Variants in ARHGAP40 observed in about 807,000 individuals in gnomAD.
The protein encoded by ARHGAP40 is rho GTPase-activating protein 40.
In ARHGAP40, 43 loss-of-function variants were observed where a neutral mutation model predicts 73.5. The ratio of observed to expected loss-of-function variants is 0.58; its 90% CI spans 0.46 to 0.75. The LOEUF is 0.75. Among genes scored for constraint, ARHGAP40 ranks in the 30% least tolerant of loss-of-function variants. ARHGAP40 has a pLI of 0.00. For missense variants in ARHGAP40, 734 were observed against 861.8 expected, an observed-to-expected ratio of 0.85 and a Z score of 1.86; for synonymous variants, 300 against 352.8, an observed-to-expected ratio of 0.85 and a Z score of 1.68.
At chr20:38,611,623 G>C (rs986101505) in intron 1 of ARHGAP40, among the ~76,000 whole-genome samples, 1 of 152,002 alleles carries the variant, frequency 6.6e-6, no homozygotes, top group African/African-American at 2.4e-5. Context: ...TGTCGCCCAG[G>C]CTGGAGTGCA....
rs550873834 is a variant in ARHGAP40, at chr20:38,610,446, A to G, written c.137+8367A>G. 4.9e-4 allele frequency among the ~76,000 whole-genome samples: 75 copies of G among 152,332 alleles called. No homozygotes were observed. In the South Asian group the frequency reaches 7.7e-3, roughly 16 times the overall value. ...ATATTTTAAGGTTTATTCTGAGCCA[A>G]TGTAAGAGACCCTGGCCTGGGGAAC... On this transcript the variant is annotated intron_variant, in intron 1 of 14. Coordinates refer to ENST00000373345, the Ensembl canonical transcript of ARHGAP40.
chr20:38,614,611 AC>A (rs1569008457), intron 1 of ARHGAP40, among the ~76,000 whole-genome samples: 1 of 152,118 alleles, frequency 6.6e-6, no homozygotes, highest in Non-Finnish European at 1.5e-5. Flanking sequence ...CATGCAGGAG[AC>A]CCAAGCGGCT....
intron 9 of ARHGAP40, among the ~76,000 whole-genome samples, chr20:38,640,253 G>T (rs2089009944): frequency 8.1e-6 from 1 of 123,674 alleles, no homozygotes; most frequent in Non-Finnish European, 1.6e-5. Flanking sequence ...GTCTTGCTCT[G>T]TCACCCAGGC....
chr20:38,614,339 A>C lies in ARHGAP40; in HGVS notation c.138-9020A>C, dbSNP rs1047250470. Among the ~76,000 whole-genome samples, 3 of 152,136 alleles carry C rather than the reference A, an allele frequency of 2.0e-5. 1 individual carries two copies. In the East Asian group the frequency reaches 5.8e-4, roughly 29 times the overall value. On this transcript the variant is annotated intron_variant, in intron 1 of 14. Transcript: ENST00000373345. ...CCCATACACACATGGCTGTGCCCTG[A>C]GATTGCCTTTCTTTCTTTCTTTCTT...
Position 38,624,815 on chromosome 20 carries a change from C to T in ARHGAP40, c.337+1257C>T, listed in dbSNP as rs536908448. Reference sequence around the variant, plus strand: ...CCATCACTCTCTAGCCCCTGCCCTACTCTGTTCGTTGCTGCAGCAATGATC... The same window carrying T: ...CCATCACTCTCTAGCCCCTGCCCTATTCTGTTCGTTGCTGCAGCAATGATC... On this transcript the variant is annotated intron_variant, in intron 2 of 14. Transcript: ENST00000373345. Among the ~76,000 whole-genome samples, 17 of 152,362 alleles carry T rather than the reference C, an allele frequency of 1.1e-4. No homozygotes were observed. The South Asian group carries it at 3.5e-3, about 32-fold the overall frequency.
chr20:38,643,643 G>T, intron 10 of ARHGAP40, 61 bp from the exon 11 acceptor site: 1 of 1,255,546 alleles, frequency 8.0e-7, no homozygotes, highest in Non-Finnish European at 1.1e-6. Flanking sequence ...ATGCCCTGGG[G>T]ATGGTGGGGA....
At chr20:38,607,224 A>G (rs2088775946) in intron 1 of ARHGAP40, among the ~76,000 whole-genome samples, 1 of 152,188 alleles carries the variant, frequency 6.6e-6, no homozygotes, top group Non-Finnish European at 1.5e-5. Flanking sequence ...AAAAATTTGC[A>G]TTTGAGTCCT....
chr20:38,627,082 T>G, exon 3 of ARHGAP40: 1 of 1,305,388 alleles, frequency 7.7e-7, no homozygotes, highest in Non-Finnish European at 1.0e-6. Context: ...CACCAGGAGC[T>G]CCTGTCCACC....
chr20:38,605,746 C>T (rs140135422), intron 1 of ARHGAP40, among the ~76,000 whole-genome samples: 104 of 152,246 alleles, frequency 6.8e-4, no homozygotes, highest in African/African-American at 2.4e-3. Context: ...TACATGTATA[C>T]GTAAAATGTA....
chr20:38,631,304 TA>T (rs35575772), intron 5 of ARHGAP40, among the ~76,000 whole-genome samples: 2,641 of 87,530 alleles, frequency 0.03, 74 homozygotes, highest in African/African-American at 0.099. Flanking sequence ...GAGCAAGACC[TA>T]AAAAAAAAAA....
intron 1 of ARHGAP40, among the ~76,000 whole-genome samples, chr20:38,611,659 G>A (rs1022884780): frequency 1.3e-5 from 2 of 151,680 alleles, no homozygotes; most frequent in African/African-American, 4.8e-5. Context: ...CTCTCTGCAA[G>A]CTCCCGGGTT....
chr20:38,601,897 A>ACGG (rs1170276981), exon 1 of ARHGAP40: 1 of 1,286,534 alleles, frequency 7.8e-7, no homozygotes, highest in Non-Finnish European at 1.0e-6. Flanking sequence ...AGTCAGCCCC[A>ACGG]CGGCGGCAGC....
intron 1 of ARHGAP40, chr20:38,615,297 G>T: frequency 1.3e-6 from 1 of 773,456 alleles, no homozygotes; most frequent in South Asian, 1.4e-5. Flanking sequence ...GGAGGGAGCA[G>T]TCGACATTTC....
intron 1 of ARHGAP40, among the ~76,000 whole-genome samples, chr20:38,603,414 T>A (rs564282937): frequency 3.2e-4 from 21 of 65,254 alleles, no homozygotes; most frequent in African/African-American, 1.6e-3. Context: ...TCTGTCTATC[T>A]ATCTATCTAT....
chr20:38,618,663 G>T (rs1002034018), intron 1 of ARHGAP40, among the ~76,000 whole-genome samples: 2 of 152,092 alleles, frequency 1.3e-5, no homozygotes, highest in African/African-American at 4.8e-5. Flanking sequence ...ACACTCAAAT[G>T]ATTCAAGGGT....
exon 15 of ARHGAP40, chr20:38,650,191 A>G (rs1310049333): frequency 5.2e-6 from 2 of 381,960 alleles, no homozygotes; most frequent in East Asian, 7.2e-5. Context: ...CCAGCCCTCC[A>G]GAGAGTTGCT....
chr20:38,614,040 C>A (rs1165527048), intron 1 of ARHGAP40, among the ~76,000 whole-genome samples: 1 of 152,144 alleles, frequency 6.6e-6, no homozygotes, highest in African/African-American at 2.4e-5. Context: ...CTCATTCCCA[C>A]CCATCCCAAC....
chr20:38,627,352 A>ATGTGTGTTGGTG (rs148944768), intron 3 of ARHGAP40, 137 bp downstream of exon 3: 145,365 of 650,074 alleles, frequency 0.22, 21,130 homozygotes, highest in South Asian at 0.25. Context: ...GGGTGTTGGT[A>ATGTGTGTTGGTG]TGTGTGTTGG....
intron 5 of ARHGAP40, among the ~76,000 whole-genome samples, chr20:38,630,147 T>TCCC (rs2088929472): frequency 7.3e-6 from 1 of 137,252 alleles, no homozygotes; most frequent in South Asian, 2.6e-4. Context: ...TCCTCCCTCC[T>TCCC]TCCCTCCCTC....
Sources: allele counts gnomAD v4.1 joint callset (sites outside exome capture counted in the v4.1 genomes callset), GRCh38; gene constraint gnomAD v4.1.1; transcripts MANE v1.5; gene names NCBI Gene and HGNC (gene_info 2026-07-23, HGNC 2026-07-21).